Variants in FLNB observed in about 807,000 individuals in gnomAD.
FLNB encodes filamin-B.
In FLNB, 111 loss-of-function variants were observed where a neutral mutation model predicts 250.6. The ratio of observed to expected loss-of-function variants is 0.44; its 90% CI spans 0.38 to 0.52. FLNB has a LOEUF of 0.52. FLNB is among the 20% of genes least tolerant of loss of function. The probability of loss-of-function intolerance (pLI) is 0.00; values close to 1 mark genes in which losing one functional copy is unlikely to be tolerated. For synonymous variants in FLNB, 1,302 were observed against 1,372.1 expected, an observed-to-expected ratio of 0.95 and a Z score of 1.13; for missense variants, 2,869 against 3,447.8, an observed-to-expected ratio of 0.83 and a Z score of 4.20.
intron 2 of FLNB, 88 bp from the exon 3 acceptor site, chr3:58,078,629 G>A (rs968218911): frequency 8.6e-6 from 13 of 1,510,720 alleles, no homozygotes; most frequent in Non-Finnish European, 1.2e-5. Flanking sequence ...TGAACTAAAA[G>A]AAAAAATGGG....
intron 43 of FLNB, 57 bp downstream of exon 43, chr3:58,163,387 C>T: frequency 1.3e-6 from 2 of 1,563,790 alleles, no homozygotes; most frequent in Non-Finnish European, 1.8e-6. Context: ...GGGACCAAGC[C>T]AGATGGAAAT....
chr3:58,123,435 G>T lies in FLNB; in HGVS notation c.3469G>T (p.Asp1157Tyr), dbSNP rs1131356. 4 of 1,611,750 alleles carry T rather than the reference G, an allele frequency of 2.5e-6. No individual in the cohort carries two copies. The highest frequency in any genetic ancestry group is 3.4e-6 in the Non-Finnish European group (4 of 1,178,418). The change falls in exon 21 of 46, where the codon GAC (aspartate) becomes TAC (tyrosine). Residue 1157 changes from aspartate to tyrosine, a missense_variant. By Grantham distance (160) the Asp-to-Tyr change is radical (BLOSUM62 -3). Around this residue, in one of 5 missense-constraint regions of FLNB, gnomAD observed 1,348 missense variants for 1,466.7 expected, o/e 0.92. Coordinates refer to ENST00000295956, the MANE Select transcript of FLNB (RefSeq NM_001457.4). Reference protein sequence around the residue: ...KVGEAGLLSVDCSEAGPGALG... With the variant: ...KVGEAGLLSVYCSEAGPGALG... ...GGGTGAAGCTGGCCTCCTTAGCGTC[G>T]ACTGCTCGGAAGCGGGACCGGGGGC...
chr3:58,092,716 C>G (rs1173083743), intron 4 of FLNB, among the ~76,000 whole-genome samples: 2 of 152,148 alleles, frequency 1.3e-5, no homozygotes, highest in East Asian at 3.9e-4. Flanking sequence ...AATTGCACTC[C>G]TTGGCATTTA....
chr3:58,102,558 A>G (rs1249375758), intron 9 of FLNB, among the ~76,000 whole-genome samples: 1 of 152,234 alleles, frequency 6.6e-6, no homozygotes, highest in African/African-American at 2.4e-5. Context: ...TTTACATTAC[A>G]TCAAGACTTC....
intron 1 of FLNB, 92 bp downstream of exon 1, chr3:58,008,948 C>G: frequency 6.7e-7 from 1 of 1,493,228 alleles, no homozygotes; most frequent in Non-Finnish European, 9.3e-7. Flanking sequence ...TCCCGCAGCG[C>G]GCCCCCACCT....
intron 34 of FLNB, among the ~76,000 whole-genome samples, chr3:58,147,358 A>T (rs1039942230): frequency 1.3e-5 from 2 of 152,224 alleles, no homozygotes; most frequent in Non-Finnish European, 2.9e-5. Context: ...ATTTTCTGCT[A>T]TCCCTTTTAC....
chr3:58,104,134 G>C (rs2097255484), intron 10 of FLNB, 49 bp downstream of exon 10: 1 of 1,605,436 alleles, frequency 6.2e-7, no homozygotes, highest in Non-Finnish European at 8.5e-7. Flanking sequence ...GCTCGGCCCA[G>C]GGCGGACTCA....
At position 58,170,628 on chromosome 3, in the gene FLNB, G is replaced by A. The variant is rs546496380; in HGVS notation, c.7675G>A (p.Val2559Ile). 2 of 1,614,126 alleles carry A rather than the reference G, an allele frequency of 1.2e-6. No homozygotes were observed. The highest frequency in any genetic ancestry group is 2.2e-5 in the South Asian group (2 of 91,084). Residue 2559 changes from valine (V) to isoleucine (I), a missense_variant, in exon 46 of 46, where the codon GTC (valine) becomes ATC (isoleucine). Val to Ile is a conservative substitution (Grantham distance 29). Coordinates refer to ENST00000295956, the MANE Select transcript of FLNB (RefSeq NM_001457.4). ...TGGGCCCACCACCCCCTGCGAGGAGGTCTCCATGAAGCATGTAGGCAACCA... is the reference window on the plus strand; with the variant it reads ...TGGGCCCACCACCCCCTGCGAGGAGATCTCCATGAAGCATGTAGGCAACCA... ...VHGPTTPCEE[V>I]SMKHVGNQQY... is the part of the protein sequence containing the mutation.
At chr3:58,095,951 C>T (rs1278173741) in intron 5 of FLNB, among the ~76,000 whole-genome samples, 190 bp from the exon 6 acceptor site, 1 of 152,220 alleles carries the variant, frequency 6.6e-6, no homozygotes, top group Non-Finnish European at 1.5e-5. Flanking sequence ...TGTTATGCCT[C>T]TGTGCTGCAT....
chr3:58,090,336 G>T (rs1192288105), intron 4 of FLNB, among the ~76,000 whole-genome samples: 1 of 152,088 alleles, frequency 6.6e-6, no homozygotes, highest in African/African-American at 2.4e-5. Context: ...TGAAGGACTT[G>T]CTTGAGGCTG....
chr3:58,169,860 G>T lies in FLNB; in HGVS notation c.7621+67G>T. ...CAGGCTGGGCACCCTGGGTACACTGGCCTTCCCTGCTGAGGTCTCCTGCAG... is the reference window on the plus strand; with the variant it reads ...CAGGCTGGGCACCCTGGGTACACTGTCCTTCCCTGCTGAGGTCTCCTGCAG... On this transcript the variant is annotated intron_variant, in intron 45 of 45. Transcript: ENST00000295956. This position sits in a 1 kb window ranked among gnomAD's most constrained non-coding sequence, Gnocchi z 4.8. The T allele has an allele frequency of 7.3e-7, 1 of 1,365,580 alleles. No homozygotes were observed. Among genetic ancestry groups the T allele is most frequent in the Non-Finnish European group, 1.0e-6 (1 of 972,292 alleles). 84.6% of individuals were successfully genotyped at this position (1,365,580 alleles called of 1,614,324 possible).
intron 38 of FLNB, among the ~76,000 whole-genome samples, chr3:58,151,838 G>A (rs181968554): frequency 3.0e-4 from 45 of 152,290 alleles, no homozygotes; most frequent in Admixed American, 2.4e-3. Flanking sequence ...GGGCTGGGCT[G>A]GTGCATTTCA....
At chr3:58,088,220 G>A (rs543207576) in intron 4 of FLNB, among the ~76,000 whole-genome samples, 1 of 151,794 alleles carries the variant, frequency 6.6e-6, no homozygotes, top group South Asian at 2.1e-4. Flanking sequence ...GCTAATTTTT[G>A]TATTTTTAGT....
At chr3:58,127,099 G>T (rs1360803079) in intron 24 of FLNB, among the ~76,000 whole-genome samples, 4 of 152,196 alleles carry the variant, frequency 2.6e-5, no homozygotes, top group African/African-American at 9.7e-5. Context: ...AAGGCATGCA[G>T]ATTGCTTCAG....
rs777855938 is a variant in FLNB at position 58,138,442 on chromosome 3, C to A, written c.5022C>A (p.Ile1674=). 6.2e-7 allele frequency: 1 copy of A among 1,614,212 alleles called. No individual in the cohort carries two copies. Among genetic ancestry groups the A allele is most frequent in the Non-Finnish European group, 8.5e-7 (1 of 1,180,044 alleles). ...AGAATGAAGATGGAACCTATGACAT[C>A]TTCTACACAGCTGCCAAGCCGGGCA... ...VIENEDGTYD[I]FYTAAKPGTY... is the part of the protein sequence containing the mutation. Residue 1674 remains isoleucine (I), a synonymous_variant, in exon 29 of 46, where the codon ATC becomes ATA. Transcript: ENST00000295956.
At position 58,142,577 on chromosome 3, in the gene FLNB, C is replaced by A; in HGVS notation, c.5182-73C>A. On this transcript the variant is annotated intron_variant, in intron 30 of 45. Coordinates refer to ENST00000295956, the MANE Select transcript of FLNB (RefSeq NM_001457.4). The surrounding 1 kb of genome is among the most constrained non-coding windows in gnomAD (Gnocchi z 4.3). ...CACTGGCTTGTAGAATTCCCAGCAGCTCTAACCCCTGTAGCTTCACCAGCT... is the reference window on the plus strand; with the variant it reads ...CACTGGCTTGTAGAATTCCCAGCAGATCTAACCCCTGTAGCTTCACCAGCT... 7.7e-7 allele frequency: 1 copy of A among 1,303,268 alleles called. No homozygotes were observed. The highest frequency in any genetic ancestry group is 1.1e-6 in the Non-Finnish European group (1 of 905,424). 80.7% of individuals were successfully genotyped at this position (1,303,268 alleles called of 1,614,324 possible).
Position 58,103,842 on chromosome 3 carries a change from G to A in FLNB, c.1484-117G>A. ...TCCCATACTCTGGGGCAGCCCACTTGGTTTTTATGTATGGTTTATGTTTTG... is the reference window on the plus strand; with the variant it reads ...TCCCATACTCTGGGGCAGCCCACTTAGTTTTTATGTATGGTTTATGTTTTG... On this transcript the variant is annotated intron_variant, in intron 9 of 45. Coordinates refer to ENST00000295956, the MANE Select transcript of FLNB (RefSeq NM_001457.4). The A allele has an allele frequency of 3.2e-6, 4 of 1,268,058 alleles. No homozygotes were observed. The South Asian group carries it at 4.8e-5, about 15-fold the overall frequency. 78.6% of individuals were successfully genotyped at this position (1,268,058 alleles called of 1,614,324 possible). A position where few individuals can be genotyped will look rare whatever the true frequency, so the allele number is the denominator to read the frequency against.
At chr3:58,038,440 C>CTTT (rs58864061) in intron 1 of FLNB, among the ~76,000 whole-genome samples, 1 of 143,118 alleles carries the variant, frequency 7.0e-6, no homozygotes, top group African/African-American at 2.5e-5. Context: ...GAATTGATGG[C>CTTT]TTTTTTTTTT....
At position 58,142,824 on chromosome 3, in the gene FLNB, G is replaced by T; in HGVS notation, c.5284+72G>T. On this transcript the variant is annotated intron_variant, in intron 31 of 45. Transcript: ENST00000295956. This position sits in a 1 kb window ranked among gnomAD's most constrained non-coding sequence, Gnocchi z 4.3. ...AGCTTCCCAGAATGGTGCTGGGGAGGTGTGTCCACTGTCCCCCAGACCCAG... is the reference window on the plus strand; with the variant it reads ...AGCTTCCCAGAATGGTGCTGGGGAGTTGTGTCCACTGTCCCCCAGACCCAG... The T allele has an allele frequency of 7.5e-7, 1 of 1,333,084 alleles. No individual in the cohort carries two copies. 82.6% of individuals were successfully genotyped at this position (1,333,084 alleles called of 1,614,324 possible). A position where few individuals can be genotyped will look rare whatever the true frequency, so the allele number is the denominator to read the frequency against.
Sources: gnomAD v4.1 joint callset for allele counts (sites outside exome capture counted in the v4.1 genomes callset) on GRCh38, gnomAD v4.1.1 for gene constraint, gnomAD v4.1.1 regional missense constraint, Gnocchi (gnomAD v3.1) non-coding constraint, MANE v1.5 for transcripts, NCBI Gene and HGNC (gene_info 2026-07-23, HGNC 2026-07-21) for gene names.